The following TMEM131 variants were observed in gnomAD, a reference collection of about 807,000 sequenced individuals.
The protein encoded by TMEM131 is transmembrane protein 131, also known as 2610524E03Rik.
In TMEM131, 66 loss-of-function variants were observed where a neutral mutation model predicts 211.6. The observed-to-expected ratio is 0.31, with a 90% CI of 0.26 to 0.38. The LOEUF is 0.38. Ranked by LOEUF, TMEM131 falls within the 10% of genes least tolerant of loss-of-function variation. The pLI, the probability that TMEM131 is intolerant of heterozygous loss-of-function variation, is 1.00. For missense variants in TMEM131, 2,036 were observed against 2,299.3 expected, an observed-to-expected ratio of 0.89 and a Z score of 2.34; for synonymous variants, 844 against 841.3, an observed-to-expected ratio of 1.00 and a Z score of -0.06.
intron 4 of TMEM131, among the ~76,000 whole-genome samples, chr2:97,871,292 T>C (rs1271392449): frequency 1.3e-5 from 2 of 152,236 alleles, no homozygotes; most frequent in Non-Finnish European, 2.9e-5. Flanking sequence ...ACCTCCAAGC[T>C]GTCCTTTGTC....
At chr2:97,914,431 C>T (rs1676422670) in intron 2 of TMEM131, among the ~76,000 whole-genome samples, 1 of 152,142 alleles carries the variant, frequency 6.6e-6, no homozygotes, top group Admixed American at 6.6e-5. Flanking sequence ...TAGTTCTACA[C>T]AATTTTCTCT....
intron 11 of TMEM131, among the ~76,000 whole-genome samples, chr2:97,825,212 C>T (rs751627527): frequency 3.3e-5 from 5 of 152,180 alleles, no homozygotes; most frequent in African/African-American, 7.2e-5. Context: ...CACTCTGGTC[C>T]TTCAGTATGT....
At chr2:97,850,464 T>C (rs74976167) in intron 5 of TMEM131, among the ~76,000 whole-genome samples, 1 of 152,268 alleles carries the variant, frequency 6.6e-6, no homozygotes, top group African/African-American at 2.4e-5. Context: ...AATGTTTCCT[T>C]GGTAGTGTTG....
At position 97,760,857 on chromosome 2, in the gene TMEM131, C is replaced by T. The variant is rs373431278; in HGVS notation, c.4947G>A (p.Ser1649=). The part of the protein sequence containing the change: ...GSKHKLTKAA[S]LPGKNGNPTF... The stretch of plus-strand genomic sequence containing the variant: ...TGGGGTTGCCGTTCTTGCCCGGGAG[C>T]GAGGCTGCCTTTGTCAACTTGTGTT... Residue 1649 remains serine, a synonymous_variant, in exon 37 of 41, where the codon TCG becomes TCA. Coordinates refer to ENST00000186436, the MANE Select transcript of TMEM131 (RefSeq NM_015348.2). 3.3e-5 allele frequency: 53 copies of T among 1,613,876 alleles called. No homozygotes were observed. In the Admixed American group the frequency reaches 5.2e-4, roughly 16 times the overall value.
At chr2:97,795,895 T>C (rs1207583390) in intron 28 of TMEM131, among the ~76,000 whole-genome samples, 1 of 152,224 alleles carries the variant, frequency 6.6e-6, no homozygotes, top group Non-Finnish European at 1.5e-5. Flanking sequence ...ACTGTGAATT[T>C]ACATCAACAT....
intron 31 of TMEM131, among the ~76,000 whole-genome samples, chr2:97,787,882 C>T (rs1433023149): frequency 6.6e-6 from 1 of 152,154 alleles, no homozygotes; most frequent in Non-Finnish European, 1.5e-5. Flanking sequence ...TCCTCTGAAA[C>T]CTTACACTCA....
chr2:97,776,047 T>C, intron 31 of TMEM131, 29 bp from the exon 32 acceptor site: 3 of 1,585,360 alleles, frequency 1.9e-6, no homozygotes, highest in Non-Finnish European at 2.6e-6. Context: ...GTAAAAGAAC[T>C]CTTGTTTTTG....
At position 97,977,025 on chromosome 2, in the gene TMEM131, C is replaced by G. The variant is rs1483606117; in HGVS notation, c.187+18451G>C. On this transcript the variant is annotated intron_variant, in intron 1 of 40. Coordinates refer to ENST00000186436, the MANE Select transcript of TMEM131 (RefSeq NM_015348.2). ...ATCATATGTAAAATGAACTCAAAAT[C>G]AATCACAGATCTAAATGAAAGACCT... 3.5e-5 allele frequency among the ~76,000 whole-genome samples: 5 copies of G among 143,712 alleles called. No individual in the cohort carries two copies. The East Asian group carries it at 8.1e-4, about 23-fold the overall frequency. The allele number at this position is 143,712 out of a possible 152,430, so 94.3% of individuals were successfully genotyped here.
At position 97,796,876 on chromosome 2, in the gene TMEM131, A is replaced by G; in HGVS notation, c.2981T>C (p.Ile994Thr). 3 of 1,613,962 alleles carry G rather than the reference A, an allele frequency of 1.9e-6. No homozygotes were observed. Among genetic ancestry groups the G allele is most frequent in the Non-Finnish European group, 2.5e-6 (3 of 1,179,844 alleles). The change falls in exon 27 of 41, where the codon ATC becomes ACC. Residue 994 changes from isoleucine (I) to threonine (T), a missense_variant. Physicochemically the swap from Ile to Thr is moderately conservative, Grantham distance 89 (BLOSUM62 -1). Coordinates refer to ENST00000186436, the MANE Select transcript of TMEM131 (RefSeq NM_015348.2). The part of the protein sequence containing the change: ...PGPGSSLRFK[I>T]TEALLKDCTD... The stretch of plus-strand genomic sequence containing the variant: ...ACAATCTTTTAACAATGCTTCCGTG[A>G]TTTTAAAGCGTAAGGAGCTTCCTGG...
intron 1 of TMEM131, among the ~76,000 whole-genome samples, chr2:97,951,892 C>T (rs1678334747): frequency 6.6e-6 from 1 of 152,144 alleles, no homozygotes; most frequent in African/African-American, 2.4e-5. Context: ...GGCGCAGTGG[C>T]TCACACCTGT....
chr2:97,909,290 G>A (rs1676201319), intron 2 of TMEM131, among the ~76,000 whole-genome samples: 1 of 152,118 alleles, frequency 6.6e-6, no homozygotes, highest in African/African-American at 2.4e-5. Flanking sequence ...CACATGTGAA[G>A]GCCCTCATAG....
intron 5 of TMEM131, among the ~76,000 whole-genome samples, chr2:97,846,463 T>C (rs181350597): frequency 1.6e-4 from 25 of 152,306 alleles, no homozygotes; most frequent in African/African-American, 5.8e-4. Flanking sequence ...CAGCAGCATA[T>C]AATTTGACAA....
At chr2:97,991,338 C>G (rs1164756450) in intron 1 of TMEM131, among the ~76,000 whole-genome samples, 1 of 152,130 alleles carries the variant, frequency 6.6e-6, no homozygotes, top group Non-Finnish European at 1.5e-5. Flanking sequence ...CAGGACTGAA[C>G]AGAAATGGCG....
intron 1 of TMEM131, among the ~76,000 whole-genome samples, chr2:97,975,866 G>T (rs1232144870): frequency 6.9e-6 from 1 of 145,490 alleles, no homozygotes; most frequent in Admixed American, 6.8e-5. Flanking sequence ...AAAATTCTAA[G>T]TCTTAGCAAA....
chr2:97,784,788 G>T (rs949295421), intron 31 of TMEM131, among the ~76,000 whole-genome samples: 4 of 151,928 alleles, frequency 2.6e-5, no homozygotes, highest in Admixed American at 2.6e-4. Context: ...GATAAGCAAC[G>T]GAGAAAAATC....
intron 1 of TMEM131, among the ~76,000 whole-genome samples, chr2:97,934,800 T>C (rs907155998): frequency 6.6e-6 from 1 of 152,200 alleles, no homozygotes; most frequent in African/African-American, 2.4e-5. Context: ...ATGAGACATC[T>C]ATAGACCAAA....
At chr2:97,785,787 T>C (rs932841874) in intron 31 of TMEM131, among the ~76,000 whole-genome samples, 1 of 152,122 alleles carries the variant, frequency 6.6e-6, no homozygotes, top group Non-Finnish European at 1.5e-5. Flanking sequence ...AATGAGCAAA[T>C]GACTAAAAAA....
At chr2:97,942,477 TAA>T (rs34873706) in intron 1 of TMEM131, among the ~76,000 whole-genome samples, 11,108 of 145,028 alleles carry the variant, frequency 0.077, 496 homozygotes, top group Middle Eastern at 0.13. Context: ...AAGTATAATT[TAA>T]AAAAAAAAAA....
At position 97,837,064 on chromosome 2, in the gene TMEM131, G is replaced by C. The variant is rs62154549; in HGVS notation, c.804+13C>G. The C allele has an allele frequency of 0.07, 112,297 of 1,609,498 alleles. 4,392 individuals carry two copies. Among genetic ancestry groups the C allele is most frequent in the Middle Eastern group, 0.11 (672 of 6,052 alleles). On this transcript the variant is annotated intron_variant, in intron 8 of 40. Transcript: ENST00000186436. ...TGGGAGCACACACAAGAGAAAACTA[G>C]GTTACAACTCACCCACAGTTTTCTG...
Sources: allele counts gnomAD v4.1 joint callset (sites outside exome capture counted in the v4.1 genomes callset), GRCh38; gene constraint gnomAD v4.1.1; transcripts MANE v1.5; gene names NCBI Gene and HGNC (gene_info 2026-07-23, HGNC 2026-07-21).